Variants in PCCA observed in about 807,000 individuals in gnomAD.
PCCA encodes propionyl-CoA carboxylase alpha chain, mitochondrial.
Under a neutral mutation model 101.3 loss-of-function variants are expected in PCCA, and 74 were observed. That is an observed-to-expected ratio of 0.73 (90% CI 0.61 to 0.89). The LOEUF is 0.89. Ranked by LOEUF, PCCA falls within the 40% of genes least tolerant of loss-of-function variation. PCCA has a pLI of 0.00. For missense variants in PCCA, 891 were observed against 907.0 expected, an observed-to-expected ratio of 0.98 and a Z score of 0.23; for synonymous variants, 294 against 313.6, an observed-to-expected ratio of 0.94 and a Z score of 0.66.
rs140454316 is a variant in PCCA at position 100,414,973 on chromosome 13, G to A, written c.1747-10660G>A. Among the ~76,000 whole-genome samples the A allele has an allele frequency of 5.2e-3, 797 of 152,192 alleles. 4 individuals carry two copies. The highest frequency in any genetic ancestry group is 0.018 in the African/African-American group (739 of 41,540). On this transcript the variant is annotated intron_variant, in intron 19 of 23. Transcript: ENST00000376285. Reference sequence around the variant, plus strand: ...TTGCTTTTCACATGTGAACTTAAGTGAAATACTCTAAGGAGTATTGCAAGG... The same window carrying A: ...TTGCTTTTCACATGTGAACTTAAGTAAAATACTCTAAGGAGTATTGCAAGG...
intron 18 of PCCA, among the ~76,000 whole-genome samples, chr13:100,362,089 A>G (rs2074672863): frequency 6.6e-6 from 1 of 152,230 alleles, no homozygotes; most frequent in Non-Finnish European, 1.5e-5. Context: ...CTATTCAACA[A>G]CATGGATGGA....
In PCCA at chr13:100,330,576, T is replaced by C. The variant is rs1349455848; in HGVS notation, c.1445T>C (p.Ile482Thr). 15 of 1,602,522 alleles carry C rather than the reference T, an allele frequency of 9.4e-6. No homozygotes were observed. The highest frequency in any genetic ancestry group is 1.2e-5 in the Non-Finnish European group (14 of 1,170,070). ...NYVIRGVTHN[I>T]ALLREVIINS... ...TTACTTTTAGGTGTTACACATAATA[T>C]TGCATTACTTCGAGAGGTGATAATC... Residue 482 changes from isoleucine (I) to threonine (T), a missense_variant, in exon 17 of 24, where the codon ATT becomes ACT. Ile to Thr is a moderately conservative substitution (Grantham distance 89). Transcript: ENST00000376285.
rs537635882 is a variant in PCCA, at chr13:100,218,484, A to G, written c.600+9021A>G. On this transcript the variant is annotated intron_variant, in intron 7 of 23. Transcript: ENST00000376285. ...GGCGCGTGCCACTGCGCCCAGCCAT[A>G]TGTCTGTTTTTTAAGTTATTTGGGG... Among the ~76,000 whole-genome samples, 13 of 152,020 alleles carry G rather than the reference A, an allele frequency of 8.6e-5. No individual in the cohort carries two copies. The South Asian group carries it at 2.1e-3, about 24-fold the overall frequency.
chr13:100,140,037 T>G (rs186085922), intron 4 of PCCA, among the ~76,000 whole-genome samples: 3 of 152,272 alleles, frequency 2.0e-5, no homozygotes, highest in Admixed American at 2.0e-4. Context: ...TTGGTATACT[T>G]ATTAGAATTA....
At chr13:100,136,881 T>C (rs909712172) in intron 4 of PCCA, among the ~76,000 whole-genome samples, 3 of 152,014 alleles carry the variant, frequency 2.0e-5, no homozygotes, top group Non-Finnish European at 4.4e-5. Flanking sequence ...CTCTATTTTC[T>C]CTTTTAAAAA....
At chr13:100,393,242 G>A (rs1303175641) in intron 19 of PCCA, among the ~76,000 whole-genome samples, 2 of 151,996 alleles carry the variant, frequency 1.3e-5, no homozygotes, top group Admixed American at 6.6e-5. Flanking sequence ...ATCCTGGGAG[G>A]ATAGACACTA....
intron 19 of PCCA, among the ~76,000 whole-genome samples, chr13:100,381,388 C>CA (rs984112724): frequency 0.061 from 3,699 of 61,092 alleles, 165 homozygotes; most frequent in African/African-American, 0.16. Flanking sequence ...GACTCCGTCT[C>CA]AAAAAAAAAA....
Position 100,397,744 on chromosome 13 carries a change from A to G in PCCA, c.1747-27889A>G, listed in dbSNP as rs569692573. Among the ~76,000 whole-genome samples the G allele has an allele frequency of 6.2e-4, 94 of 152,262 alleles. 4 individuals are homozygous for G. The South Asian group carries it at 0.019, about 31-fold the overall frequency. On this transcript the variant is annotated intron_variant, in intron 19 of 23. Transcript: ENST00000376285. ...ATTGTGGCAGCGTGGTAATGGGTTT[A>G]TGCTTGTTTTATCGCTTGTGGTTTT... is the stretch of plus-strand genomic sequence containing the variant.
chr13:100,368,827 A>T (rs2075385469), intron 19 of PCCA, among the ~76,000 whole-genome samples: 1 of 152,214 alleles, frequency 6.6e-6, no homozygotes, highest in South Asian at 2.1e-4. Context: ...ATGCTGTGAG[A>T]AGTAATACTT....
At chr13:100,320,361 G>T (rs1393752857) in intron 16 of PCCA, among the ~76,000 whole-genome samples, 4 of 152,164 alleles carry the variant, frequency 2.6e-5, no homozygotes, top group Admixed American at 1.3e-4. Context: ...CCAACACTAT[G>T]TTGAATAGGA....
intron 6 of PCCA, among the ~76,000 whole-genome samples, chr13:100,183,368 A>G (rs562406062): frequency 1.3e-5 from 2 of 152,294 alleles, no homozygotes; most frequent in Middle Eastern, 3.4e-3. Flanking sequence ...TTTGACATAC[A>G]TCTTTTGATG....
intron 4 of PCCA, among the ~76,000 whole-genome samples, chr13:100,152,821 G>T: frequency 6.6e-6 from 1 of 152,064 alleles, no homozygotes; most frequent in Non-Finnish European, 1.5e-5. Flanking sequence ...AAAACAAAAG[G>T]GTGAAAATTA....
At chr13:100,318,363 C>T (rs554692510) in intron 16 of PCCA, among the ~76,000 whole-genome samples, 5 of 152,026 alleles carry the variant, frequency 3.3e-5, no homozygotes, top group Non-Finnish European at 7.4e-5. Flanking sequence ...TTTAATTATA[C>T]TTTAAGTTCT....
chr13:100,438,211 A>G (rs2152911929), intron 20 of PCCA, among the ~76,000 whole-genome samples: 1 of 151,558 alleles, frequency 6.6e-6, no homozygotes, highest in South Asian at 2.1e-4. Flanking sequence ...GCTAGAGTGC[A>G]GTGGTGCAGT....
At chr13:100,435,751 A>G (rs1347370255) in intron 20 of PCCA, among the ~76,000 whole-genome samples, 2 of 152,220 alleles carry the variant, frequency 1.3e-5, no homozygotes, top group Admixed American at 1.3e-4. Flanking sequence ...ATTGAAAACA[A>G]AAGTATAGGC....
intron 23 of PCCA, among the ~76,000 whole-genome samples, chr13:100,529,851 C>T (rs1261898863): frequency 6.6e-6 from 1 of 152,120 alleles, no homozygotes; most frequent in African/African-American, 2.4e-5. Context: ...TCAGGCCAGC[C>T]ACTGTGAGGG....
intron 18 of PCCA, among the ~76,000 whole-genome samples, chr13:100,349,571 G>C (rs1359397412): frequency 6.6e-6 from 1 of 152,162 alleles, no homozygotes; most frequent in Non-Finnish European, 1.5e-5. Context: ...CCACTTTCTG[G>C]TTTCTACTTT....
At chr13:100,468,800 G>A (rs2082734117) in intron 21 of PCCA, among the ~76,000 whole-genome samples, 1 of 152,216 alleles carries the variant, frequency 6.6e-6, no homozygotes, top group East Asian at 1.9e-4. Context: ...CGAGAGGGGC[G>A]GATCACTTGA....
At chr13:100,383,535 G>A (rs1267934550) in intron 19 of PCCA, among the ~76,000 whole-genome samples, 1 of 151,856 alleles carries the variant, frequency 6.6e-6, no homozygotes, top group Admixed American at 6.6e-5. Flanking sequence ...CTTTGAGCCT[G>A]GGAGATTGAG....
Sources: gnomAD v4.1 joint callset for allele counts (sites outside exome capture counted in the v4.1 genomes callset) on GRCh38, gnomAD v4.1.1 for gene constraint, MANE v1.5 for transcripts, NCBI Gene and HGNC (gene_info 2026-07-23, HGNC 2026-07-21) for gene names.